Variants in DMD observed in about 807,000 individuals in gnomAD.
The protein encoded by DMD is mutant dystrophin.
Under a neutral mutation model 330.1 loss-of-function variants are expected in DMD, and 63 were observed. That is an observed-to-expected ratio of 0.19 (90% CI 0.16 to 0.24). The LOEUF is 0.24. Among genes scored for constraint, DMD ranks in the 10% least tolerant of loss-of-function variants. The pLI is 1.00. For missense variants in DMD, 3,344 were observed against 2,684.1 expected (o/e 1.25, Z -5.43); for synonymous variants, 1,223 against 959.8 (o/e 1.27, Z -5.07).
chrX:32,621,860 G>C lies in DMD; in HGVS notation c.1332-7407C>G, dbSNP rs1165741340. On this transcript the variant is annotated intron_variant, in intron 11 of 78. Coordinates refer to ENST00000357033, the MANE Select transcript of DMD (RefSeq NM_004006.3). Reference sequence around the variant, plus strand: ...GCATCAGCCCATCCCCTAGAAACTTGCTAGAAGTGCAAATTCAAAACTTGC... The same window carrying C: ...GCATCAGCCCATCCCCTAGAAACTTCCTAGAAGTGCAAATTCAAAACTTGC... Among the ~76,000 whole-genome samples, 3 of 111,254 alleles carry C rather than the reference G, an allele frequency of 2.7e-5. No individual in the cohort carries two copies. The Admixed American group carries it at 2.9e-4, about 11-fold the overall frequency.
chrX:31,618,313 C>T (rs2078334273), intron 55 of DMD, among the ~76,000 whole-genome samples: 1 of 110,607 alleles, frequency 9.0e-6, no homozygotes, highest in Non-Finnish European at 1.9e-5. Context: ...ATATATCACC[C>T]TGGCAAGTCA....
intron 44 of DMD, among the ~76,000 whole-genome samples, chrX:32,153,456 T>A (rs1041811648): frequency 1.6e-4 from 17 of 109,306 alleles, no homozygotes; most frequent in African/African-American, 5.0e-4. Context: ...ATCACCAAAA[T>A]CTCAGCTATA....
At chrX:31,591,124 T>C (rs1361543287) in intron 55 of DMD, among the ~76,000 whole-genome samples, 6 of 112,107 alleles carry the variant, frequency 5.4e-5, no homozygotes, top group African/African-American at 1.9e-4. Flanking sequence ...AACAATTACA[T>C]GTTAAAATGA....
At chrX:31,466,440 T>C in intron 59 of DMD, among the ~76,000 whole-genome samples, 2 of 112,308 alleles carry the variant, frequency 1.8e-5, no homozygotes, top group African/African-American at 6.5e-5. Flanking sequence ...TCTCCATTGC[T>C]TGTTTTTGTC....
chrX:31,199,016 T>C (rs902154341), intron 67 of DMD, among the ~76,000 whole-genome samples: 1 of 112,023 alleles, frequency 8.9e-6, no homozygotes, highest in African/African-American at 3.2e-5. Context: ...TCCGAACTGG[T>C]TGAAGCCATA....
chrX:32,940,606 G>A (rs1219990803), intron 2 of DMD, among the ~76,000 whole-genome samples: 1 of 111,351 alleles, frequency 9.0e-6, no homozygotes. Flanking sequence ...GCCATATGTG[G>A]AAGAATGAAA....
intron 56 of DMD, among the ~76,000 whole-genome samples, chrX:31,506,557 T>C (rs190981594): frequency 5.7e-4 from 64 of 112,583 alleles, no homozygotes; most frequent in African/African-American, 1.8e-3. Flanking sequence ...CTCTATCCTT[T>C]TGTTCCTCCA....
chrX:33,043,225 G>A (rs1390900918), intron 1 of DMD, among the ~76,000 whole-genome samples: 1 of 111,570 alleles, frequency 9.0e-6, no homozygotes. Flanking sequence ...TAACACGGGT[G>A]ACAAATGTGG....
At chrX:33,051,237 A>T (rs1323712601) in intron 1 of DMD, among the ~76,000 whole-genome samples, 1 of 99,390 alleles carries the variant, frequency 1.0e-5, no homozygotes, top group Non-Finnish European at 2.0e-5. Flanking sequence ...TTTGAGACTG[A>T]ATCTCCCTCT....
At chrX:32,280,025 C>CAT (rs1191430175) in intron 43 of DMD, among the ~76,000 whole-genome samples, 4 of 100,433 alleles carry the variant, frequency 4.0e-5, no homozygotes, top group Admixed American at 1.1e-4. Context: ...ATGTACCCCA[C>CAT]ATATATATAT....
intron 30 of DMD, among the ~76,000 whole-genome samples, chrX:32,394,920 A>ACAAAACAAAAAAAAAC (rs375583538): frequency 9.9e-5 from 6 of 60,419 alleles, no homozygotes; most frequent in African/African-American, 2.4e-4. Flanking sequence ...AAAAAACAAA[A>ACAAAACAAAAAAAAAC]AAAAAAAAAA....
intron 44 of DMD, among the ~76,000 whole-genome samples, chrX:32,067,181 A>G (rs2096265096): frequency 9.0e-6 from 1 of 111,596 alleles, no homozygotes; most frequent in Non-Finnish European, 1.9e-5. Flanking sequence ...TAGTTCAATA[A>G]ATAAAGAAGT....
chrX:33,299,841 C>T (rs746105397), intron 1 of DMD, among the ~76,000 whole-genome samples: 5 of 111,901 alleles, frequency 4.5e-5, no homozygotes, highest in Admixed American at 2.9e-4. Context: ...ACTCTCTCCA[C>T]TTTCCCATTC....
intron 9 of DMD, among the ~76,000 whole-genome samples, chrX:32,647,948 C>T (rs1283215584): frequency 8.9e-6 from 1 of 111,767 alleles, no homozygotes; most frequent in Non-Finnish European, 1.9e-5. Context: ...TAACCTAGCT[C>T]GTATTTAAGA....
intron 43 of DMD, among the ~76,000 whole-genome samples, chrX:32,235,068 A>G (rs1020210383): frequency 2.5e-4 from 28 of 111,559 alleles, no homozygotes; most frequent in Non-Finnish European, 3.4e-4. Flanking sequence ...CATATGATTC[A>G]AGTGCATTAC....
At chrX:31,721,859 G>C (rs2085587607) in intron 52 of DMD, among the ~76,000 whole-genome samples, 1 of 106,394 alleles carries the variant, frequency 9.4e-6, no homozygotes, top group South Asian at 4.1e-4. Context: ...TGAGTTTTCA[G>C]ATGATGAAAA....
intron 54 of DMD, among the ~76,000 whole-genome samples, chrX:31,652,066 T>TGATC (rs2080486589): frequency 8.9e-6 from 1 of 112,188 alleles, no homozygotes; most frequent in African/African-American, 3.2e-5. Flanking sequence ...TCTGCCTAAC[T>TGATC]GATCTCCCTT....
At chrX:32,222,579 A>G (rs2147908601) in intron 43 of DMD, among the ~76,000 whole-genome samples, 1 of 112,683 alleles carries the variant, frequency 8.9e-6, no homozygotes, top group East Asian at 2.8e-4. Flanking sequence ...GTTACAAATG[A>G]AAATGCAAAT....
chrX:32,023,492 C>G (rs1288075264), intron 44 of DMD, among the ~76,000 whole-genome samples: 1 of 111,196 alleles, frequency 9.0e-6, no homozygotes, highest in African/African-American at 3.3e-5. Context: ...ACTGCACTTA[C>G]AAAAACAGAA....
Sources: allele counts gnomAD v4.1 joint callset (sites outside exome capture counted in the v4.1 genomes callset), GRCh38; gene constraint gnomAD v4.1.1; transcripts MANE v1.5; gene names NCBI Gene and HGNC (gene_info 2026-07-23, HGNC 2026-07-21).